GUCA1C: variants seen among roughly 807,000 people sequenced by gnomAD.
GUCA1C encodes the protein guanylate cyclase activator 1C, also known as guanylyl cyclase-activating protein 3.
GUCA1C carries 15 observed loss-of-function variants against 16.2 expected under a neutral mutation model. The ratio of observed to expected loss-of-function variants is 0.93; its 90% CI spans 0.62 to 1.43. The LOEUF (loss-of-function observed/expected upper bound fraction) is 1.43. Ranked by LOEUF, GUCA1C falls within the 40% of genes most tolerant of loss-of-function variation. The pLI is 0.00. For synonymous variants in GUCA1C, 78 were observed against 85.4 expected (o/e 0.91, Z 0.48); for missense variants, 275 against 244.8 (o/e 1.12, Z -0.82).
chr3:108,950,829 G>C (rs1946889525), intron 1 of GUCA1C, among the ~76,000 whole-genome samples: 1 of 152,120 alleles, frequency 6.6e-6, no homozygotes, highest in Non-Finnish European at 1.5e-5. Flanking sequence ...ACAAGAAAAA[G>C]CAAACAGAAT....
At chr3:108,935,783 A>G (rs1288080319) in intron 1 of GUCA1C, among the ~76,000 whole-genome samples, 1 of 152,208 alleles carries the variant, frequency 6.6e-6, no homozygotes, top group East Asian at 1.9e-4. Context: ...ACCATTAAAT[A>G]GATGAAACTT....
At chr3:108,911,974 T>C (rs4855672) in intron 3 of GUCA1C, among the ~76,000 whole-genome samples, 144,990 of 151,522 alleles carry the variant, frequency 0.96, 69,368 homozygotes, top group East Asian at 0.97. Context: ...GGCGTAGTGG[T>C]GGGTGACTGT....
At chr3:108,912,101 C>A (rs1946461245) in intron 3 of GUCA1C, among the ~76,000 whole-genome samples, 1 of 7,442 alleles carries the variant, frequency 1.3e-4, no homozygotes, top group African/African-American at 2.7e-4. Context: ...GAGACTCCGT[C>A]TCAATAATAA....
At chr3:108,953,926 A>T, upstream of GUCA1C, 1 of 597,054 alleles carries the variant, frequency 1.7e-6, no homozygotes, top group Non-Finnish European at 3.0e-6. Context: ...AGCCAGTGAG[A>T]TTAACTTATC....
intron 1 of GUCA1C, among the ~76,000 whole-genome samples, chr3:108,938,530 A>G (rs1007319069): frequency 6.6e-6 from 1 of 152,232 alleles, no homozygotes. Flanking sequence ...GTCCTTTCAG[A>G]TTAAATATAT....
At chr3:108,917,384 A>T (rs1946528408) in intron 2 of GUCA1C, among the ~76,000 whole-genome samples, 1 of 152,196 alleles carries the variant, frequency 6.6e-6, no homozygotes, top group South Asian at 2.1e-4. Context: ...GTGGAGGAGC[A>T]CTGAGGGGAT....
Position 108,907,973 on chromosome 3 carries a change from T to C in GUCA1C, c.*49A>G. ...TACATGGGGAAGATTCTATTTCTTC[T>C]CTACTGAAATGTTGTGCTCATTGAT... On this transcript the variant is annotated 3_prime_UTR_variant, in exon 4 of 4. Coordinates refer to ENST00000261047, the MANE Select transcript of GUCA1C (RefSeq NM_005459.4). 1.5e-6 allele frequency: 2 copies of C among 1,332,292 alleles called. No homozygotes were observed. The highest frequency in any genetic ancestry group is 1.3e-5 in the South Asian group (1 of 76,600). 82.5% of individuals were successfully genotyped at this position (1,332,292 alleles called of 1,614,324 possible).
At chr3:108,953,380 C>T (rs186439000) in intron 1 of GUCA1C, among the ~76,000 whole-genome samples, 179 bp downstream of exon 1, 10 of 151,840 alleles carry the variant, frequency 6.6e-5, no homozygotes, top group Admixed American at 6.6e-4. Context: ...ATTTTCATGC[C>T]GTCAGTACTA....
intron 1 of GUCA1C, among the ~76,000 whole-genome samples, chr3:108,951,263 G>A (rs1946893529): frequency 6.6e-6 from 1 of 152,082 alleles, no homozygotes. Context: ...CGCAACTCAT[G>A]CTAAATGAGT....
intron 2 of GUCA1C, among the ~76,000 whole-genome samples, chr3:108,918,623 T>C (rs1185551536): frequency 6.6e-6 from 1 of 152,156 alleles, no homozygotes; most frequent in Admixed American, 6.5e-5. Context: ...TTGACTGTTT[T>C]ATACCCTTGA....
chr3:108,913,624 GA>G (rs1306492976), intron 3 of GUCA1C, among the ~76,000 whole-genome samples: 3 of 152,130 alleles, frequency 2.0e-5, no homozygotes, highest in Admixed American at 6.6e-5. Context: ...GTCTCATGAT[GA>G]AACGATGTAA....
chr3:108,909,592 T>G (rs1232509415), intron 3 of GUCA1C, among the ~76,000 whole-genome samples: 1 of 152,204 alleles, frequency 6.6e-6, no homozygotes, highest in Non-Finnish European at 1.5e-5. Flanking sequence ...CAGTTTTGAC[T>G]GTTTAGTTAT....
At position 108,946,631 on chromosome 3, in the gene GUCA1C, G is replaced by A. The variant is rs1004687170; in HGVS notation, c.204+6928C>T. On this transcript the variant is annotated intron_variant, in intron 1 of 3. Transcript: ENST00000261047. ...GCCAAACAAATCTGAATCTATTTAC[G>A]TTTCTATAGCTAAATACCGGTTTAT... Among the ~76,000 whole-genome samples, 6 of 152,060 alleles carry A rather than the reference G, an allele frequency of 3.9e-5. No individual in the cohort carries two copies. In the East Asian group the frequency reaches 7.7e-4, roughly 20 times the overall value.
rs780451064 is a variant in GUCA1C, at chr3:108,953,737, C to A, written c.26G>T (p.Gly9Val). 1.2e-6 allele frequency: 2 copies of A among 1,612,842 alleles called. No homozygotes were observed. The highest frequency in any genetic ancestry group is 1.3e-5 in the African/African-American group (1 of 74,878). The stretch of plus-strand genomic sequence containing the variant: ...TTGTGTAGGAACTGCTTTCTGATCA[C>A]CAGCTATAGATTTGCCATTCCCCAT... MGNGKSIA[G>V]DQKAVPTQET... The change falls in exon 1 of 4, where the codon GGT becomes GTT. Residue 9 changes from glycine to valine, a missense_variant. Gly to Val is a moderately radical substitution (Grantham distance 109, BLOSUM62 -3). Coordinates refer to ENST00000261047, the MANE Select transcript of GUCA1C (RefSeq NM_005459.4).
intron 2 of GUCA1C, among the ~76,000 whole-genome samples, chr3:108,918,566 G>T (rs930821313): frequency 2.6e-5 from 4 of 152,044 alleles, no homozygotes; most frequent in Non-Finnish European, 5.9e-5. Context: ...TGACCTGGGG[G>T]GTCCTACTAA....
At chr3:108,923,493 CT>C (rs1946590263) in intron 1 of GUCA1C, among the ~76,000 whole-genome samples, 1 of 152,194 alleles carries the variant, frequency 6.6e-6, no homozygotes, top group Non-Finnish European at 1.5e-5. Flanking sequence ...GTTCTCTACT[CT>C]GTTCTATTTG....
intron 1 of GUCA1C, among the ~76,000 whole-genome samples, chr3:108,934,666 C>T (rs556040574): frequency 6.6e-6 from 1 of 152,238 alleles, no homozygotes; most frequent in South Asian, 2.1e-4. Context: ...TGCATGTACA[C>T]CATGAAATAC....
intron 1 of GUCA1C, among the ~76,000 whole-genome samples, chr3:108,925,471 C>G (rs944512088): frequency 9.2e-5 from 14 of 152,158 alleles, no homozygotes; most frequent in South Asian, 4.1e-4. Context: ...TTTTATTCCA[C>G]TGCAGTCTGA....
At position 108,907,984 on chromosome 3, in the gene GUCA1C, G is replaced by A. The variant is rs571866828; in HGVS notation, c.*38C>T. On this transcript the variant is annotated 3_prime_UTR_variant, in exon 4 of 4. Transcript: ENST00000261047. ...GATTCTATTTCTTCTCTACTGAAAT[G>A]TTGTGCTCATTGATAGCTGGGACAG... is the stretch of plus-strand genomic sequence containing the variant. 18 of 1,446,802 alleles carry A rather than the reference G, an allele frequency of 1.2e-5. No homozygotes were observed. The highest frequency in any genetic ancestry group is 3.5e-4 in the Middle Eastern group (2 of 5,700). The allele number at this position is 1,446,802 out of a possible 1,614,324, so 89.6% of individuals were successfully genotyped here. A position where few individuals can be genotyped will look rare whatever the true frequency, so the allele number is the denominator to read the frequency against.
Sources: allele counts gnomAD v4.1 joint callset (sites outside exome capture counted in the v4.1 genomes callset), GRCh38; gene constraint gnomAD v4.1.1; transcripts MANE v1.5; gene names NCBI Gene and HGNC (gene_info 2026-07-23, HGNC 2026-07-21).